Variants in MAPK4 observed in about 807,000 individuals in gnomAD.
MAPK4 encodes the protein Erk3-related.
In MAPK4, 22 loss-of-function variants were observed where a neutral mutation model predicts 47.7. The ratio of observed to expected loss-of-function variants is 0.46; its 90% CI spans 0.33 to 0.66. The LOEUF (loss-of-function observed/expected upper bound fraction) is 0.66. Among genes scored for constraint, MAPK4 ranks in the 30% least tolerant of loss-of-function variants. MAPK4 has a pLI of 0.02. For missense variants in MAPK4, 736 were observed against 831.7 expected (o/e 0.88, Z 1.42); for synonymous variants, 390 against 365.7 (o/e 1.07, Z -0.76).
At chr18:50,711,803 G>A (rs1012986663) in intron 2 of MAPK4, among the ~76,000 whole-genome samples, 8 of 151,324 alleles carry the variant, frequency 5.3e-5, no homozygotes, top group African/African-American at 1.9e-4. Context: ...ATTGGGTCTC[G>A]ACTTCTGGGT....
chr18:50,559,725 A>C (rs2042134243), upstream of MAPK4, among the ~76,000 whole-genome samples: 1 of 150,428 alleles, frequency 6.6e-6, no homozygotes, highest in Admixed American at 6.6e-5. Context: ...TCCCTCCCGG[A>C]CGGAGCCCGA....
chr18:50,595,557 A>G (rs1422458897), intron 1 of MAPK4, among the ~76,000 whole-genome samples: 2 of 152,218 alleles, frequency 1.3e-5, no homozygotes, highest in African/African-American at 4.8e-5. Context: ...ATTGACTGGA[A>G]GAGGGCATGA....
At chr18:50,701,608 G>A (rs569420211) in intron 2 of MAPK4, among the ~76,000 whole-genome samples, 3 of 152,186 alleles carry the variant, frequency 2.0e-5, no homozygotes, top group African/African-American at 7.2e-5. Flanking sequence ...TAAGGCCCAC[G>A]GAATCAACTC....
intron 1 of MAPK4, among the ~76,000 whole-genome samples, chr18:50,648,424 T>C (rs754999763): frequency 7.9e-5 from 12 of 152,100 alleles, no homozygotes; most frequent in Non-Finnish European, 1.8e-4. Flanking sequence ...GAGGAACCTG[T>C]GGGGCAGTGG....
intron 2 of MAPK4, chr18:50,704,901 A>G (rs1283897302): frequency 2.5e-6 from 1 of 397,536 alleles, no homozygotes; most frequent in Non-Finnish European, 4.4e-6. Context: ...GGTGGCTGTT[A>G]TTATTACCCA....
intron 1 of MAPK4, among the ~76,000 whole-genome samples, chr18:50,563,882 A>G (rs1017662110): frequency 1.3e-5 from 2 of 152,178 alleles, no homozygotes; most frequent in African/African-American, 4.8e-5. Flanking sequence ...TTAAATATGA[A>G]TGTAGGTCAC....
intron 1 of MAPK4, among the ~76,000 whole-genome samples, chr18:50,615,205 G>T (rs186914586): frequency 2.0e-5 from 3 of 152,258 alleles, no homozygotes; most frequent in Admixed American, 6.5e-5. Context: ...TTGTGTTGGG[G>T]GGGGAGATCC....
chr18:50,607,665 A>G (rs962869915), intron 1 of MAPK4, among the ~76,000 whole-genome samples: 1 of 152,210 alleles, frequency 6.6e-6, no homozygotes, highest in Non-Finnish European at 1.5e-5. Flanking sequence ...GATCCTTAGG[A>G]ACCACTCTCA....
At chr18:50,657,304 A>G (rs550366284) in intron 1 of MAPK4, among the ~76,000 whole-genome samples, 1 of 152,290 alleles carries the variant, frequency 6.6e-6, no homozygotes, top group Non-Finnish European at 1.5e-5. Context: ...GGTTTGGGAG[A>G]TGACATCACC....
At chr18:50,715,932 G>A (rs1910610606) in intron 3 of MAPK4, among the ~76,000 whole-genome samples, 1 of 151,978 alleles carries the variant, frequency 6.6e-6, no homozygotes, top group Admixed American at 6.5e-5. Flanking sequence ...GCCACACCAA[G>A]TGACCCACTG....
intron 1 of MAPK4, among the ~76,000 whole-genome samples, chr18:50,638,039 T>A (rs1300602240): frequency 6.6e-6 from 1 of 152,230 alleles, no homozygotes; most frequent in Non-Finnish European, 1.5e-5. Flanking sequence ...CTTAAGGGCA[T>A]CATGCATGTA....
intron 2 of MAPK4, among the ~76,000 whole-genome samples, chr18:50,713,605 C>T (rs1045162035): frequency 3.9e-5 from 6 of 152,268 alleles, no homozygotes; most frequent in South Asian, 2.1e-4. Context: ...CCATGAGGGG[C>T]GCACAGTCTA....
chr18:50,714,992 T>G, intron 2 of MAPK4, 87 bp from the exon 3 acceptor site: 1 of 1,379,762 alleles, frequency 7.2e-7, no homozygotes, highest in South Asian at 1.3e-5. Flanking sequence ...AAGAGGTCTG[T>G]TTCATGGGAG....
At chr18:50,579,655 C>A (rs2042326676) in intron 1 of MAPK4, among the ~76,000 whole-genome samples, 1 of 152,198 alleles carries the variant, frequency 6.6e-6, no homozygotes, top group Non-Finnish European at 1.5e-5. Flanking sequence ...ATTTCCCCAC[C>A]TCCCAGGCCT....
Position 50,729,857 on chromosome 18 carries a change from G to T in MAPK4, c.*3G>T, listed in dbSNP as rs1481814731. 6.2e-7 allele frequency: 1 copy of T among 1,605,012 alleles called. No individual in the cohort carries two copies. Among genetic ancestry groups the T allele is most frequent in the African/African-American group, 1.3e-5 (1 of 74,898 alleles). ...CCTTCTCCAAAGAAAGGTGGTGAGG[G>T]CGGAGGGGCCGCTCCAGGCCCCACA... On this transcript the variant is annotated 3_prime_UTR_variant, in exon 6 of 6. Transcript: ENST00000400384.
At chr18:50,589,967 A>G (rs761497831) in intron 1 of MAPK4, among the ~76,000 whole-genome samples, 1 of 152,228 alleles carries the variant, frequency 6.6e-6, no homozygotes, top group Non-Finnish European at 1.5e-5. Flanking sequence ...ATGCATCATT[A>G]TAGTTAATTT....
chr18:50,580,100 G>T (rs1471794485), intron 1 of MAPK4, among the ~76,000 whole-genome samples: 1 of 152,190 alleles, frequency 6.6e-6, no homozygotes, highest in Non-Finnish European at 1.5e-5. Flanking sequence ...GCCTAGCAGG[G>T]ATCTCAGCAG....
chr18:50,573,984 T>C (rs868560786), intron 1 of MAPK4, among the ~76,000 whole-genome samples: 16 of 152,342 alleles, frequency 1.1e-4, no homozygotes, highest in African/African-American at 3.8e-4. Context: ...ATGATATAGT[T>C]ACTACCTGCT....
chr18:50,721,131 C>T (rs1468675964), intron 3 of MAPK4, among the ~76,000 whole-genome samples: 5 of 152,134 alleles, frequency 3.3e-5, no homozygotes, highest in Non-Finnish European at 5.9e-5. Flanking sequence ...CAGAGAAGGA[C>T]AGCAAGGAGA....
Sources: allele counts gnomAD v4.1 joint callset (sites outside exome capture counted in the v4.1 genomes callset), GRCh38; gene constraint gnomAD v4.1.1; transcripts MANE v1.5; gene names NCBI Gene and HGNC (gene_info 2026-07-23, HGNC 2026-07-21).